Variants in KANK1 observed in about 807,000 individuals in gnomAD.
KANK1 encodes the protein KN motif and ankyrin repeat domains 1, also known as KN motif and ankyrin repeat domain-containing protein 1.
In KANK1, 109 loss-of-function variants were observed where a neutral mutation model predicts 106.2. That is an observed-to-expected ratio of 1.03 (90% CI 0.88 to 1.20). KANK1 has a LOEUF of 1.20. Among genes scored for constraint, KANK1 ranks in the 50% most tolerant of loss-of-function variants. The probability of loss-of-function intolerance (pLI) is 0.00; values close to 1 mark genes in which losing one functional copy is unlikely to be tolerated. For missense variants in KANK1, 2,399 were observed against 1,710.7 expected (o/e 1.40, Z -7.10); for synonymous variants, 873 against 652.2 (o/e 1.34, Z -5.16).
intron 1 of KANK1, among the ~76,000 whole-genome samples, chr9:628,346 T>C (rs1270840372): frequency 6.6e-6 from 1 of 152,254 alleles, no homozygotes; most frequent in Non-Finnish European, 1.5e-5. Context: ...TCTTGCCTTC[T>C]TCCTAACTTT....
At chr9:683,146 G>C (rs1210210271) in intron 2 of KANK1, among the ~76,000 whole-genome samples, 3 of 152,160 alleles carry the variant, frequency 2.0e-5, no homozygotes, top group African/African-American at 7.2e-5. Flanking sequence ...TGTCATCTGT[G>C]TTAGCATTAC....
chr9:597,030 A>G (rs1289649706), intron 1 of KANK1, among the ~76,000 whole-genome samples: 1 of 151,892 alleles, frequency 6.6e-6, no homozygotes, highest in Non-Finnish European at 1.5e-5. Context: ...GGCTTCTTTC[A>G]CTTAGTATAT....
intron 1 of KANK1, among the ~76,000 whole-genome samples, chr9:516,460 G>A (rs12343467): frequency 0.23 from 34,874 of 151,316 alleles, 6,096 homozygotes; most frequent in African/African-American, 0.46. Context: ...TTCCTTTTTT[G>A]AAGTTTAGGG....
chr9:610,814 A>G lies in KANK1; in HGVS notation c.-83-66076A>G, dbSNP rs139586288. 4.8e-3 allele frequency among the ~76,000 whole-genome samples: 728 copies of G among 152,242 alleles called. 15 individuals are homozygous for G. Among genetic ancestry groups the G allele is most frequent in the African/African-American group, 0.016 (678 of 41,524 alleles). ...TTTGAGACTTGATTTCATCTTCTAG[A>G]CCCAGAGGCAGAGATCATGTTTGTG... On this transcript the variant is annotated intron_variant, in intron 1 of 11. Transcript: ENST00000382297.
In KANK1 at chr9:581,295, G is replaced by A. The variant is rs148205785; in HGVS notation, c.-84+76541G>A. 5.6e-3 allele frequency among the ~76,000 whole-genome samples: 851 copies of A among 152,346 alleles called. 9 individuals are homozygous for A. Among genetic ancestry groups the A allele is most frequent in the Middle Eastern group, 0.017 (5 of 294 alleles). ...CGCCGAGAGCAGGCAAGGGCTGACAGCACGTTGTCACCTCTCAATGCCTAT... is the reference window on the plus strand; with the variant it reads ...CGCCGAGAGCAGGCAAGGGCTGACAACACGTTGTCACCTCTCAATGCCTAT... On this transcript the variant is annotated intron_variant, in intron 1 of 11. Transcript: ENST00000382297.
chr9:694,534 T>A (rs766949388), intron 2 of KANK1, among the ~76,000 whole-genome samples: 1 of 152,170 alleles, frequency 6.6e-6, no homozygotes, highest in Admixed American at 6.5e-5. Flanking sequence ...TTTGGCTGTT[T>A]TGAGACAGAT....
rs764638632 is a variant in KANK1 at position 712,904 on chromosome 9, A to T, written c.2138A>T (p.Glu713Val). 8.7e-6 allele frequency: 14 copies of T among 1,613,926 alleles called. No homozygotes were observed. The highest frequency in any genetic ancestry group is 2.7e-5 in the African/African-American group (2 of 74,874). Reference protein sequence around the residue: ...LDKQTSTQTVETRTVAVGEGR... With the variant: ...LDKQTSTQTVVTRTVAVGEGR... ...AAGCAGACCAGCACCCAGACTGTGG[A>T]GACGCGGACAGTAGCTGTAGGAGAA... The change falls in exon 3 of 12, where the codon GAG becomes GTG. Residue 713 changes from glutamate to valine, a missense_variant. Glu to Val is a moderately radical substitution (Grantham distance 121, BLOSUM62 -2). Coordinates refer to ENST00000382297, the MANE Select transcript of KANK1 (RefSeq NM_015158.5).
Position 742,988 on chromosome 9 carries a change from G to C in KANK1, c.3897+583G>C, listed in dbSNP as rs573594266. Among the ~76,000 whole-genome samples the C allele has an allele frequency of 3.9e-5, 6 of 152,274 alleles. No individual in the cohort carries two copies. In the South Asian group the frequency reaches 1.2e-3, roughly 32 times the overall value. On this transcript the variant is annotated intron_variant, in intron 10 of 11. Transcript: ENST00000382297. ...CTCTGCTCTCTTCTCCCAGTTCCCA[G>C]GCTGTCCACATTTCCAGATAACTCC...
intron 1 of KANK1, among the ~76,000 whole-genome samples, chr9:654,823 GAGA>G (rs1841753065): frequency 3.0e-5 from 1 of 33,446 alleles, no homozygotes; most frequent in Non-Finnish European, 1.2e-4. Flanking sequence ...GTGAGAGAGA[GAGA>G]GAGAGAGAGA....
At chr9:724,555 T>C (rs1554709944) in intron 3 of KANK1, among the ~76,000 whole-genome samples, 1 of 152,116 alleles carries the variant, frequency 6.6e-6, no homozygotes, top group Non-Finnish European at 1.5e-5. Context: ...CCCAGAACTT[T>C]GGGAGGCCGA....
In KANK1 at chr9:599,016, TA is replaced by T. The variant is rs1276035292; in HGVS notation, c.-83-77873del. ...TTTATGAATGATTTGTATTTATTATTATTATTTTTTTTTTTTTTTGAGACGG... is the reference window on the plus strand; with the variant it reads ...TTTATGAATGATTTGTATTTATTATTTTATTTTTTTTTTTTTTTGAGACGG... On this transcript the variant is annotated intron_variant, in intron 1 of 11. Coordinates refer to ENST00000382297, the MANE Select transcript of KANK1 (RefSeq NM_015158.5). 8.4e-4 allele frequency among the ~76,000 whole-genome samples: 114 copies of T among 136,204 alleles called. 3 individuals are homozygous for T. Among genetic ancestry groups the T allele is most frequent in the African/African-American group, 2.6e-3 (100 of 37,994 alleles). The allele number at this position is 136,204 out of a possible 152,430, so 89.4% of individuals were successfully genotyped here.
chr9:575,687 A>G (rs1273473476), intron 1 of KANK1, among the ~76,000 whole-genome samples: 1 of 151,832 alleles, frequency 6.6e-6, no homozygotes, highest in South Asian at 2.1e-4. Context: ...AATTAATTAC[A>G]GAGATAGTGT....
intron 3 of KANK1, among the ~76,000 whole-genome samples, chr9:727,605 C>T (rs981713250): frequency 6.6e-6 from 1 of 152,024 alleles, no homozygotes; most frequent in Non-Finnish European, 1.5e-5. Context: ...CATGAGCCAC[C>T]ACGCCCAGGC....
At chr9:592,271 T>G (rs1825106030) in intron 1 of KANK1, among the ~76,000 whole-genome samples, 1 of 151,940 alleles carries the variant, frequency 6.6e-6, no homozygotes, top group African/African-American at 2.4e-5. Flanking sequence ...TTAGTTTACT[T>G]AGGCCTCAGA....
chr9:554,372 C>G (rs2061455136), intron 1 of KANK1, among the ~76,000 whole-genome samples: 2 of 152,184 alleles, frequency 1.3e-5, no homozygotes, highest in African/African-American at 4.8e-5. Flanking sequence ...TTTCCTCTCC[C>G]TTTTTGTTCT....
intron 1 of KANK1, among the ~76,000 whole-genome samples, chr9:610,891 A>G (rs563038171): frequency 4.6e-5 from 7 of 152,194 alleles, no homozygotes; most frequent in South Asian, 2.1e-4. Flanking sequence ...CCAGTACGCA[A>G]GAGTGCTGTT....
chr9:726,292 T>C (rs1408877343), intron 3 of KANK1, among the ~76,000 whole-genome samples: 2 of 152,160 alleles, frequency 1.3e-5, no homozygotes, highest in Non-Finnish European at 2.9e-5. Flanking sequence ...CTGATTTGTG[T>C]GATGTATCAT....
At chr9:543,152 C>G (rs1200806162) in intron 1 of KANK1, among the ~76,000 whole-genome samples, 1 of 151,936 alleles carries the variant, frequency 6.6e-6, no homozygotes, top group Non-Finnish European at 1.5e-5. Flanking sequence ...TAATTATAAC[C>G]TTAATAAAAG....
rs747859256 is a variant in KANK1, at chr9:712,122, CAAAG to C, written c.1360_1363del (p.Glu454LeufsTer8). 6.8e-6 allele frequency: 11 copies of C among 1,613,942 alleles called. 1 individual carries two copies. Among genetic ancestry groups the C allele is most frequent in the South Asian group, 2.2e-5 (2 of 91,086 alleles). On this transcript the variant is annotated frameshift_variant, in exon 3 of 12. Coordinates refer to ENST00000382297, the MANE Select transcript of KANK1 (RefSeq NM_015158.5). LOFTEE classifies it high-confidence loss of function. ...TGCTTGGAGTGATGACTGAAGCTGA[CAAAG>C]AAATTGAGCTGCAACAGCAGACCAT...
Sources: allele counts gnomAD v4.1 joint callset (sites outside exome capture counted in the v4.1 genomes callset), GRCh38; gene constraint gnomAD v4.1.1; transcripts MANE v1.5; gene names NCBI Gene and HGNC (gene_info 2026-07-23, HGNC 2026-07-21).